The following OLFML1 variants were observed in gnomAD, a reference collection of about 807,000 sequenced individuals.
OLFML1 encodes olfactomedin like 1, also known as olfactomedin-like protein 1.
OLFML1 carries 33 observed loss-of-function variants against 37.3 expected under a neutral mutation model. That is an observed-to-expected ratio of 0.88 (90% CI 0.67 to 1.18). The LOEUF (loss-of-function observed/expected upper bound fraction) is 1.18, where lower values mean the gene tolerates loss of function less well. Among genes scored for constraint, OLFML1 ranks in the 50% most tolerant of loss-of-function variants. The probability of loss-of-function intolerance (pLI) is 0.00; values close to 1 mark genes in which losing one functional copy is unlikely to be tolerated. For missense variants in OLFML1, 545 were observed against 483.7 expected (o/e 1.13, Z -1.19); for synonymous variants, 186 against 181.3 (o/e 1.03, Z -0.21).
intron 2 of OLFML1, among the ~76,000 whole-genome samples, chr11:7,490,386 C>G (rs936844333): frequency 5.9e-5 from 9 of 152,102 alleles, no homozygotes; most frequent in African/African-American, 2.2e-4. Flanking sequence ...CTAATGTGGC[C>G]TGAGCTAGAA....
At chr11:7,504,776 C>T (rs1439806198) in intron 2 of OLFML1, 1 of 152,290 alleles carries the variant, frequency 6.6e-6, no homozygotes, top group East Asian at 1.9e-4. Context: ...CTCCGAACCT[C>T]TGGAACCCAT....
chr11:7,494,698 G>T (rs571032861), intron 2 of OLFML1, among the ~76,000 whole-genome samples: 1 of 152,202 alleles, frequency 6.6e-6, no homozygotes, highest in Non-Finnish European at 1.5e-5. Context: ...GGGAGGCTGA[G>T]GGGGCACAGA....
chr11:7,510,349 A>G lies in OLFML1; in HGVS notation c.*161A>G. 1 of 630,248 alleles carries G rather than the reference A, an allele frequency of 1.6e-6. No homozygotes were observed. Among genetic ancestry groups the G allele is most frequent in the South Asian group, 2.1e-5 (1 of 48,036 alleles). 39.0% of individuals were successfully genotyped at this position (630,248 alleles called of 1,614,324 possible). A position where few individuals can be genotyped will look rare whatever the true frequency, so the allele number is the denominator to read the frequency against. ...CTCCTTTCCCAAATGTCACTGCCTTAGGTATCTTCCAAGAGCTTAGATGAG... is the reference window on the plus strand; with the variant it reads ...CTCCTTTCCCAAATGTCACTGCCTTGGGTATCTTCCAAGAGCTTAGATGAG... On this transcript the variant is annotated 3_prime_UTR_variant, in exon 3 of 3. Transcript: ENST00000329293.
intron 2 of OLFML1, among the ~76,000 whole-genome samples, chr11:7,507,552 C>CTT (rs35968823): frequency 6.9e-6 from 1 of 144,916 alleles, no homozygotes. Flanking sequence ...TTATGTGTAA[C>CTT]TTTTTTTTTT....
At chr11:7,500,588 G>A (rs904648217) in intron 2 of OLFML1, among the ~76,000 whole-genome samples, 1 of 152,018 alleles carries the variant, frequency 6.6e-6, no homozygotes, top group Non-Finnish European at 1.5e-5. Flanking sequence ...TTCCTCATTT[G>A]GAAAATGGGG....
chr11:7,489,762 G>T (rs1439548106), intron 2 of OLFML1, among the ~76,000 whole-genome samples: 3 of 152,130 alleles, frequency 2.0e-5, no homozygotes, highest in African/African-American at 7.2e-5. Context: ...ATGAGTGAGA[G>T]AGATGAGTCC....
At chr11:7,493,858 G>C (rs1025690240) in intron 2 of OLFML1, among the ~76,000 whole-genome samples, 1 of 152,116 alleles carries the variant, frequency 6.6e-6, no homozygotes, top group Non-Finnish European at 1.5e-5. Context: ...GAAATATGTT[G>C]GCATTGTGCC....
At chr11:7,501,408 G>A (rs911722990) in intron 2 of OLFML1, among the ~76,000 whole-genome samples, 4 of 152,196 alleles carry the variant, frequency 2.6e-5, no homozygotes, top group Non-Finnish European at 4.4e-5. Flanking sequence ...GAACAATGTT[G>A]ACCCAGAGGC....
At chr11:7,495,545 C>T (rs949430788) in intron 2 of OLFML1, among the ~76,000 whole-genome samples, 1 of 152,136 alleles carries the variant, frequency 6.6e-6, no homozygotes, top group African/African-American at 2.4e-5. Flanking sequence ...CTCAGCATCT[C>T]GTGCCGCTGC....
intron 2 of OLFML1, among the ~76,000 whole-genome samples, chr11:7,499,300 T>C (rs1848694628): frequency 6.6e-6 from 1 of 152,196 alleles, no homozygotes; most frequent in Non-Finnish European, 1.5e-5. Flanking sequence ...TGCATGTCAT[T>C]GCCTCTGTTA....
chr11:7,498,991 C>T (rs957439838), intron 2 of OLFML1, among the ~76,000 whole-genome samples: 1 of 152,204 alleles, frequency 6.6e-6, no homozygotes, highest in South Asian at 2.1e-4. Flanking sequence ...CCATTCTCCA[C>T]CAGCAGCCAG....
In OLFML1 at chr11:7,486,009, G is replaced by A. The variant is rs748468489; in HGVS notation, c.129+5G>A. 2 of 1,613,594 alleles carry A rather than the reference G, an allele frequency of 1.2e-6. No individual in the cohort carries two copies. Among genetic ancestry groups the A allele is most frequent in the East Asian group, 2.2e-5 (1 of 44,880 alleles). ...CAGCGCTTTCGAGTCTTGGAGGTAG[G>A]TGGCATCTGTACACCTTGGATAAGT... On this transcript the variant is annotated splice_donor_5th_base_variant and intron_variant, in intron 1 of 2. Transcript: ENST00000329293.
chr11:7,499,537 C>A (rs925086533), intron 2 of OLFML1, among the ~76,000 whole-genome samples: 1 of 152,202 alleles, frequency 6.6e-6, no homozygotes, highest in African/African-American at 2.4e-5. Flanking sequence ...GAGCATCCAA[C>A]CTAAACCTCT....
At position 7,485,731 on chromosome 11, in the gene OLFML1, G is replaced by A. The variant is rs771129185; in HGVS notation, c.-145G>A. ...TCACGTATCGGGTGGAATAACAAGC[G>A]GACTTTGCTCTCTGCTGTGCAAAAC... On this transcript the variant is annotated 5_prime_UTR_variant, in exon 1 of 3. Transcript: ENST00000329293. The A allele has an allele frequency of 4.9e-5, 39 of 793,348 alleles. No individual in the cohort carries two copies. Among genetic ancestry groups the A allele is most frequent in the Non-Finnish European group, 6.8e-5 (33 of 486,312 alleles). The allele number at this position is 793,348 out of a possible 1,614,324, so 49.1% of individuals were successfully genotyped here.
intron 2 of OLFML1, among the ~76,000 whole-genome samples, chr11:7,491,136 T>C (rs1848592177): frequency 6.7e-6 from 1 of 149,476 alleles, no homozygotes; most frequent in South Asian, 2.1e-4. Flanking sequence ...ATATAATTAA[T>C]ATATATTTAT....
At chr11:7,509,361 T>C (rs769640402) in intron 2 of OLFML1, 37 bp from the exon 3 acceptor site, 7 of 1,515,760 alleles carry the variant, frequency 4.6e-6, no homozygotes, top group Non-Finnish European at 5.4e-6. Flanking sequence ...AGCTCATGTT[T>C]ATAAAGTAAT....
chr11:7,499,349 T>C (rs1206801587), intron 2 of OLFML1, among the ~76,000 whole-genome samples: 2 of 152,224 alleles, frequency 1.3e-5, no homozygotes, highest in Admixed American at 6.5e-5. Flanking sequence ...AGGTTTTAAA[T>C]TTATTTCCCA....
intron 2 of OLFML1, among the ~76,000 whole-genome samples, chr11:7,495,492 T>C (rs747171574): frequency 6.6e-5 from 10 of 152,290 alleles, no homozygotes; most frequent in Non-Finnish European, 1.5e-4. Flanking sequence ...ATCATAAAAG[T>C]GGATAAGAAG....
intron 2 of OLFML1, among the ~76,000 whole-genome samples, chr11:7,499,178 G>A (rs1225414544): frequency 2.6e-5 from 4 of 152,254 alleles, no homozygotes; most frequent in African/African-American, 9.6e-5. Flanking sequence ...AGTGATACTT[G>A]TGTATGAATT....
Sources: gnomAD v4.1 joint callset for allele counts (sites outside exome capture counted in the v4.1 genomes callset) on GRCh38, gnomAD v4.1.1 for gene constraint, MANE v1.5 for transcripts, NCBI Gene and HGNC (gene_info 2026-07-23, HGNC 2026-07-21) for gene names.